CDKL5: variants seen among roughly 807,000 people sequenced by gnomAD.
The protein encoded by CDKL5 is cyclin dependent kinase like 5.
A neutral mutation model predicts 61.7 loss-of-function variants in CDKL5; 8 were observed. That is an observed-to-expected ratio of 0.13 (90% CI 0.08 to 0.23). The LOEUF (loss-of-function observed/expected upper bound fraction) is 0.23. Ranked by LOEUF, CDKL5 falls within the 10% of genes least tolerant of loss-of-function variation. The pLI, the probability that CDKL5 is intolerant of heterozygous loss-of-function variation, is 1.00. For missense variants in CDKL5, 440 were observed against 734.5 expected (o/e 0.60, Z 4.63); for synonymous variants, 275 against 272.3 (o/e 1.01, Z -0.10).
intron 12 of CDKL5, among the ~76,000 whole-genome samples, chrX:18,607,797 GC>G (rs1926412891): frequency 1.8e-5 from 2 of 111,810 alleles, no homozygotes; most frequent in African/African-American, 6.5e-5. Flanking sequence ...TTTTGTAGAG[GC>G]CTTTGTAAAC....
At chrX:18,501,758 A>T (rs1187941171) in intron 1 of CDKL5, among the ~76,000 whole-genome samples, 2 of 109,986 alleles carry the variant, frequency 1.8e-5, no homozygotes, top group Non-Finnish European at 3.8e-5. Context: ...CATATTGGTC[A>T]TGCTGGTCTC....
chrX:18,479,670 C>A lies in CDKL5; in HGVS notation c.-162-27265C>A, dbSNP rs191888053. Among the ~76,000 whole-genome samples, 23 of 111,475 alleles carry A rather than the reference C, an allele frequency of 2.1e-4. No individual in the cohort carries two copies. In the East Asian group the frequency reaches 6.5e-3, roughly 32 times the overall value. ...CTGTTCTTTCTTCTCCTCTGGTATT[C>A]CCATTACATGTATGTTGTTGTGTAT... is the stretch of plus-strand genomic sequence containing the variant. On this transcript the variant is annotated intron_variant, in intron 1 of 17. Transcript: ENST00000623535.
intron 3 of CDKL5, among the ~76,000 whole-genome samples, chrX:18,544,165 T>G (rs1924116451): frequency 1.8e-5 from 2 of 112,042 alleles, no homozygotes; most frequent in Admixed American, 9.4e-5. Flanking sequence ...CTCCCACTCC[T>G]GGAGGAACCT....
intron 1 of CDKL5, among the ~76,000 whole-genome samples, chrX:18,501,850 C>T (rs993152293): frequency 4.4e-5 from 5 of 112,495 alleles, no homozygotes; most frequent in South Asian, 3.6e-4. Context: ...CGCCCGGCCA[C>T]AAATGTTCTT....
intron 1 of CDKL5, among the ~76,000 whole-genome samples, chrX:18,487,010 A>G (rs73191518): frequency 1.0e-3 from 117 of 111,921 alleles, no homozygotes; most frequent in South Asian, 1.9e-3. Context: ...AAGACCAGTG[A>G]ATTTTCTTGT....
chrX:18,448,240 A>G (rs1217990982), intron 1 of CDKL5, among the ~76,000 whole-genome samples: 7 of 112,295 alleles, frequency 6.2e-5, no homozygotes, highest in African/African-American at 2.3e-4. Context: ...TGTCCAGTTC[A>G]TATATTATCT....
Position 18,628,603 on chromosome X carries a change from G to T in CDKL5, c.2729G>T (p.Gly910Val), listed in dbSNP as rs751661769. Residue 910 changes from glycine to valine, a missense_variant, in exon 18 of 18, where the codon GGT (glycine) becomes GTT (valine). Coordinates refer to ENST00000623535, the MANE Select transcript of CDKL5 (RefSeq NM_001323289.2). ...ALQLPGQMDP[G>V]WHVSSVTRSA... is the part of the protein sequence containing the mutation. ...CAGCTGCCAGGTCAGATGGATCCTG[G>T]TTGGCATGTGTCCTCTGTGACCAGG... 8.3e-7 allele frequency: 1 copy of T among 1,211,874 alleles called. No individual in the cohort carries two copies. The highest frequency in any genetic ancestry group is 1.1e-6 in the Non-Finnish European group (1 of 895,411).
rs149784972 is a variant in CDKL5, at chrX:18,632,106, C to T, written c.*3349C>T. The stretch of plus-strand genomic sequence containing the variant: ...AGTGCTGAGGTTGAGAAACCCTGCC[C>T]TACACCATCCCAAGCCCACCAGTCT... On this transcript the variant is annotated 3_prime_UTR_variant, in exon 18 of 18. Transcript: ENST00000623535. 1,831 of 751,705 alleles carry T rather than the reference C, an allele frequency of 2.4e-3. 24 individuals carry two copies. The African/African-American group carries it at 0.037, about 15-fold the overall frequency. 61.9% of individuals were successfully genotyped at this position (751,705 alleles called of 1,213,427 possible). A position where few individuals can be genotyped will look rare whatever the true frequency, so the allele number is the denominator to read the frequency against.
rs766511365 is a variant in CDKL5, at chrX:18,598,494, C to T, written c.858C>T (p.Tyr286=). ...TGAAGTTGGACCCAGCTGACAGATA[C>T]TTGACAGAACAGTGTTTGAATCACC... ...NLLKLDPADR[Y]LTEQCLNHPT... The change falls in exon 11 of 18, where the codon TAC becomes TAT. Residue 286 remains tyrosine, a synonymous_variant. Transcript: ENST00000623535. The T allele has an allele frequency of 2.5e-6, 3 of 1,205,583 alleles. No individual in the cohort carries two copies. The highest frequency in any genetic ancestry group is 3.0e-5 in the East Asian group (1 of 33,750).
At chrX:18,527,143 C>T (rs985898716) in intron 3 of CDKL5, among the ~76,000 whole-genome samples, 3 of 111,753 alleles carry the variant, frequency 2.7e-5, no homozygotes, top group African/African-American at 9.7e-5. Context: ...ATTTGATTCC[C>T]TTAATATTTG....
intron 3 of CDKL5, chrX:18,535,662 A>C (rs1923799078): frequency 1.3e-5 from 2 of 149,350 alleles, no homozygotes; most frequent in South Asian, 3.5e-4. Flanking sequence ...TGGACTGCTT[A>C]CTCTCTCGCC....
At position 18,490,467 on chromosome X, in the gene CDKL5, GA is replaced by G. The variant is rs35163585; in HGVS notation, c.-162-16457del. ...AGATACCACGCATTTGCTGTCTGGGGAAAAAAAAAAAGCCCTCAGGTAGGCA... is the reference window on the plus strand; with the variant it reads ...AGATACCACGCATTTGCTGTCTGGGGAAAAAAAAAAGCCCTCAGGTAGGCA... On this transcript the variant is annotated intron_variant, in intron 1 of 17. Transcript: ENST00000623535. Among the ~76,000 whole-genome samples the G allele has an allele frequency of 1.2e-3, 116 of 99,305 alleles. 2 individuals are homozygous for G. Among genetic ancestry groups the G allele is most frequent in the Admixed American group, 1.4e-3 (13 of 9,118 alleles). 86.2% of individuals were successfully genotyped at this position (99,305 alleles called of 115,157 possible). A position where few individuals can be genotyped will look rare whatever the true frequency, so the allele number is the denominator to read the frequency against.
intron 14 of CDKL5, among the ~76,000 whole-genome samples, chrX:18,612,140 AAAT>A (rs1042643845): frequency 1.1e-4 from 12 of 112,133 alleles, no homozygotes; most frequent in Admixed American, 1.9e-4. Context: ...ATTTAGAGAA[AAAT>A]AATATTTTTG....
At chrX:18,557,269 A>G (rs756087305) in intron 3 of CDKL5, among the ~76,000 whole-genome samples, 1 of 112,370 alleles carries the variant, frequency 8.9e-6, no homozygotes, top group East Asian at 2.8e-4. Context: ...AAATACAAAT[A>G]AAAATAACAG....
chrX:18,467,466 A>G (rs1414494466), intron 1 of CDKL5, among the ~76,000 whole-genome samples: 1 of 111,669 alleles, frequency 9.0e-6, no homozygotes, highest in Non-Finnish European at 1.9e-5. Flanking sequence ...CAAAAACCCT[A>G]CATCTTTTTC....
chrX:18,586,662 A>G (rs991696385), intron 8 of CDKL5, among the ~76,000 whole-genome samples: 2 of 112,250 alleles, frequency 1.8e-5, no homozygotes, highest in Admixed American at 9.5e-5. Flanking sequence ...TTGGTTATAC[A>G]TTAAGAATTT....
At chrX:18,489,321 C>T (rs759836766) in intron 1 of CDKL5, among the ~76,000 whole-genome samples, 5 of 110,248 alleles carry the variant, frequency 4.5e-5, no homozygotes, top group Non-Finnish European at 9.5e-5. Context: ...CCACCACGCC[C>T]GGCAAGTTTT....
rs972605296 is a variant in CDKL5, at chrX:18,634,609, A to G, written c.*5852A>G. ...AACCTGTTTTCTCTAGAGACACACA[A>G]TGATTCTGGCCCTCAGTCTGTTTCC... On this transcript the variant is annotated 3_prime_UTR_variant, in exon 18 of 18. Coordinates refer to ENST00000623535, the MANE Select transcript of CDKL5 (RefSeq NM_001323289.2). 7.0e-5 allele frequency: 53 copies of G among 754,184 alleles called. No individual in the cohort carries two copies. The highest frequency in any genetic ancestry group is 8.1e-5 in the Non-Finnish European group (52 of 639,161). The allele number at this position is 754,184 out of a possible 1,213,427, so 62.2% of individuals were successfully genotyped here. A position where few individuals can be genotyped will look rare whatever the true frequency, so the allele number is the denominator to read the frequency against.
At chrX:18,433,407 G>A (rs917294843) in intron 1 of CDKL5, among the ~76,000 whole-genome samples, 10 of 111,190 alleles carry the variant, frequency 9.0e-5, no homozygotes, top group Non-Finnish European at 1.7e-4. Context: ...AAAATTAGCC[G>A]GGCCTGGTGG....
Sources: allele counts gnomAD v4.1 joint callset (sites outside exome capture counted in the v4.1 genomes callset), GRCh38; gene constraint gnomAD v4.1.1; transcripts MANE v1.5; gene names NCBI Gene and HGNC (gene_info 2026-07-23, HGNC 2026-07-21).